Variants in HIBADH observed in about 807,000 individuals in gnomAD.
HIBADH encodes 3-hydroxyisobutyrate dehydrogenase, mitochondrial.
HIBADH carries 25 observed loss-of-function variants against 36.1 expected under a neutral mutation model. That is an observed-to-expected ratio of 0.69 (90% CI 0.50 to 0.97). The LOEUF (loss-of-function observed/expected upper bound fraction) is 0.97. Ranked by LOEUF, HIBADH falls within the 50% of genes least tolerant of loss-of-function variation. The pLI is 0.00. For synonymous variants in HIBADH, 160 were observed against 149.5 expected, an observed-to-expected ratio of 1.07 and a Z score of -0.51; for missense variants, 421 against 418.0, an observed-to-expected ratio of 1.01 and a Z score of -0.06.
chr7:27,595,669 G>A (rs1785022516), intron 4 of HIBADH, among the ~76,000 whole-genome samples: 1 of 151,052 alleles, frequency 6.6e-6, no homozygotes, highest in Non-Finnish European at 1.5e-5. Flanking sequence ...GTATATGACA[G>A]ATAATATTTA....
intron 4 of HIBADH, among the ~76,000 whole-genome samples, chr7:27,573,645 T>TGTCA (rs1396483590): frequency 1.3e-5 from 2 of 152,222 alleles, no homozygotes; most frequent in Non-Finnish European, 2.9e-5. Flanking sequence ...AACCAGAATA[T>TGTCA]GTCACTGGCT....
intron 2 of HIBADH, among the ~76,000 whole-genome samples, chr7:27,633,254 C>T (rs548304737): frequency 6.6e-6 from 1 of 152,292 alleles, no homozygotes; most frequent in Non-Finnish European, 1.5e-5. Context: ...CCATCCCCAG[C>T]TCTCTGGCTC....
intron 4 of HIBADH, among the ~76,000 whole-genome samples, chr7:27,601,736 T>C (rs1316068245): frequency 2.0e-5 from 3 of 152,128 alleles, no homozygotes; most frequent in Non-Finnish European, 4.4e-5. Flanking sequence ...TGAAGGATAT[T>C]ATGTTAGAAG....
intron 4 of HIBADH, among the ~76,000 whole-genome samples, chr7:27,561,227 C>A (rs780724408): frequency 6.6e-6 from 1 of 152,130 alleles, no homozygotes; most frequent in African/African-American, 2.4e-5. Context: ...TTTTCTAATA[C>A]TCACCTTGCC....
At chr7:27,587,816 C>T (rs887643482) in intron 4 of HIBADH, among the ~76,000 whole-genome samples, 1 of 152,118 alleles carries the variant, frequency 6.6e-6, no homozygotes, top group African/African-American at 2.4e-5. Flanking sequence ...GCTGTAATTC[C>T]AAGATTCTCA....
chr7:27,645,382 T>TGTTGTTTGTTTTGTTTTTG (rs1554300968), intron 2 of HIBADH, among the ~76,000 whole-genome samples: 1 of 129,080 alleles, frequency 7.7e-6, no homozygotes, highest in African/African-American at 3.1e-5. Context: ...TTTTTTTTTT[T>TGTTGTTTGTTTTGTTTTTG]TTTTTTTTTT....
At chr7:27,566,161 C>G (rs1784545253) in intron 4 of HIBADH, among the ~76,000 whole-genome samples, 1 of 152,000 alleles carries the variant, frequency 6.6e-6, no homozygotes, top group Non-Finnish European at 1.5e-5. Context: ...CAGTGTAACA[C>G]TGGTCTCAAA....
chr7:27,611,987 T>TA (rs1785328977), intron 4 of HIBADH, among the ~76,000 whole-genome samples: 1 of 152,186 alleles, frequency 6.6e-6, no homozygotes, highest in Non-Finnish European at 1.5e-5. Context: ...CCCAAACTGT[T>TA]ACTCTTCCTT....
At chr7:27,597,895 C>T (rs183837015) in intron 4 of HIBADH, among the ~76,000 whole-genome samples, 2 of 152,214 alleles carry the variant, frequency 1.3e-5, no homozygotes, top group East Asian at 1.9e-4. Flanking sequence ...TAAAAGTTTG[C>T]GAATCACCCC....
At chr7:27,616,501 G>A (rs769469892) in intron 4 of HIBADH, among the ~76,000 whole-genome samples, 5 of 151,928 alleles carry the variant, frequency 3.3e-5, no homozygotes, top group South Asian at 2.1e-4. Flanking sequence ...TTTTTCTGTC[G>A]CCTAGGCTGT....
At chr7:27,638,060 A>G (rs1490492348) in intron 2 of HIBADH, among the ~76,000 whole-genome samples, 1 of 152,162 alleles carries the variant, frequency 6.6e-6, no homozygotes, top group Non-Finnish European at 1.5e-5. Flanking sequence ...TCTTCACAGA[A>G]TTAGAAAAAA....
intron 4 of HIBADH, among the ~76,000 whole-genome samples, chr7:27,613,235 G>A (rs1361897583): frequency 7.5e-6 from 1 of 133,234 alleles, no homozygotes; most frequent in Non-Finnish European, 1.6e-5. Flanking sequence ...TTCTGAAGCT[G>A]TCCTCCAGGT....
At chr7:27,541,004 A>G (rs901544894) in intron 5 of HIBADH, among the ~76,000 whole-genome samples, 2 of 152,212 alleles carry the variant, frequency 1.3e-5, no homozygotes, top group African/African-American at 2.4e-5. Flanking sequence ...TAGCAACTTT[A>G]TAGATAAGGG....
chr7:27,582,335 TG>T (rs976233376), intron 4 of HIBADH, among the ~76,000 whole-genome samples: 1 of 152,170 alleles, frequency 6.6e-6, no homozygotes, highest in East Asian at 1.9e-4. Flanking sequence ...CAGAAATTGT[TG>T]GTGTTTTGAT....
rs1467362674 is a variant in HIBADH at position 27,554,395 on chromosome 7, T to C, written c.485-11295A>G. Among the ~76,000 whole-genome samples, 4 of 152,376 alleles carry C rather than the reference T, an allele frequency of 2.6e-5. No individual in the cohort carries two copies. In the East Asian group the frequency reaches 7.7e-4, roughly 29 times the overall value. On this transcript the variant is annotated intron_variant, in intron 4 of 7. Coordinates refer to ENST00000265395, the MANE Select transcript of HIBADH (RefSeq NM_152740.4). ...GGCAACACGTGGTTTGTAACATTTC[T>C]GTGATTGGAGTTGGCTATTTTCCTG...
Position 27,543,045 on chromosome 7 carries a change from A to C in HIBADH, c.540T>G (p.Asp180Glu), listed in dbSNP as rs1168036165. Residue 180 changes from aspartate (D) to glutamate (E), a missense_variant, in exon 5 of 8, where the codon GAT becomes GAG. Physicochemically the swap from Asp to Glu is conservative, Grantham distance 45. Transcript: ENST00000265395. Reference sequence around the variant, plus strand: ...GCAACTCTTGGGCAGCAGCAAATTCATCTTCAACTCCTCCCACCATAAACG... The same window carrying C: ...GCAACTCTTGGGCAGCAGCAAATTCCTCTTCAACTCCTCCCACCATAAACG... ...NLTFMVGGVE[D>E]EFAAAQELLG... 1 of 1,613,668 alleles carries C rather than the reference A, an allele frequency of 6.2e-7. No individual in the cohort carries two copies. The highest frequency in any genetic ancestry group is 8.5e-7 in the Non-Finnish European group (1 of 1,179,880).
intron 1 of HIBADH, among the ~76,000 whole-genome samples, chr7:27,652,423 A>G (rs745713198): frequency 1.3e-5 from 2 of 152,232 alleles, no homozygotes; most frequent in Non-Finnish European, 2.9e-5. Flanking sequence ...GACAGATGAG[A>G]CTTACACTTT....
chr7:27,557,544 T>A (rs1277448629), intron 4 of HIBADH, among the ~76,000 whole-genome samples: 1 of 152,152 alleles, frequency 6.6e-6, no homozygotes, highest in African/African-American at 2.4e-5. Context: ...GGCTGGGAAG[T>A]CCAAGATCAA....
At chr7:27,549,429 A>T (rs1364116776) in intron 4 of HIBADH, among the ~76,000 whole-genome samples, 12 of 152,210 alleles carry the variant, frequency 7.9e-5, no homozygotes, top group Non-Finnish European at 1.8e-4. Context: ...AAAGGAAAAC[A>T]AAATCAGTAT....
Sources: allele counts gnomAD v4.1 joint callset (sites outside exome capture counted in the v4.1 genomes callset), GRCh38; gene constraint gnomAD v4.1.1; transcripts MANE v1.5; gene names NCBI Gene and HGNC (gene_info 2026-07-23, HGNC 2026-07-21).